The following CLNS1A variants were observed in gnomAD, a reference collection of about 807,000 sequenced individuals.
The protein encoded by CLNS1A is chloride nucleotide-sensitive channel 1A.
In CLNS1A, 16 loss-of-function variants were observed where a neutral mutation model predicts 29.4. The observed-to-expected ratio is 0.54, with a 90% CI of 0.37 to 0.83. CLNS1A has a LOEUF of 0.83. Among genes scored for constraint, CLNS1A ranks in the 40% least tolerant of loss-of-function variants. The pLI, the probability that CLNS1A is intolerant of heterozygous loss-of-function variation, is 0.00. For synonymous variants in CLNS1A, 96 were observed against 104.8 expected (o/e 0.92, Z 0.51); for missense variants, 235 against 287.4 (o/e 0.82, Z 1.32).
chr11:77,629,971 G>C (rs1959058959), intron 1 of CLNS1A, 72 bp from the exon 2 acceptor site: 1 of 1,419,528 alleles, frequency 7.0e-7, no homozygotes, highest in South Asian at 1.2e-5. Context: ...GTATATAAAA[G>C]TTCAGCTTGG....
intron 1 of CLNS1A, among the ~76,000 whole-genome samples, chr11:77,630,258 C>A (rs1420150165): frequency 4.6e-5 from 7 of 152,210 alleles, no homozygotes; most frequent in Admixed American, 4.6e-4. Flanking sequence ...TTCAACTACA[C>A]CAGTCCATAA....
intron 2 of CLNS1A, 127 bp downstream of exon 2, chr11:77,629,636 C>T (rs896222898): frequency 1.4e-5 from 11 of 766,832 alleles, no homozygotes; most frequent in East Asian, 2.9e-5. Flanking sequence ...CCTTGTGATC[C>T]GCCCGCCTCG....
intron 6 of CLNS1A, chr11:77,619,368 G>A (rs1042778012): frequency 3.1e-5 from 13 of 420,144 alleles, no homozygotes; most frequent in Middle Eastern, 1.3e-3. Context: ...TTGTCTCTAC[G>A]TAAAATTTTA....
intron 2 of CLNS1A, among the ~76,000 whole-genome samples, chr11:77,626,456 T>G (rs1959020420): frequency 6.6e-6 from 1 of 151,994 alleles, no homozygotes; most frequent in Non-Finnish European, 1.5e-5. Flanking sequence ...CTGGCCAATA[T>G]GGTGAAACCC....
chr11:77,622,890 G>C (rs1958976824), intron 4 of CLNS1A, among the ~76,000 whole-genome samples: 1 of 150,526 alleles, frequency 6.6e-6, no homozygotes, highest in Non-Finnish European at 1.5e-5. Flanking sequence ...GGAGGTTGCA[G>C]TGAACCGAGA....
Position 77,628,801 on chromosome 11 carries a change from G to A in CLNS1A, c.262+962C>T, listed in dbSNP as rs185906483. Among the ~76,000 whole-genome samples, 368 of 152,264 alleles carry A rather than the reference G, an allele frequency of 2.4e-3. 1 individual carries two copies. Among genetic ancestry groups the A allele is most frequent in the African/African-American group, 8.3e-3 (345 of 41,550 alleles). On this transcript the variant is annotated intron_variant, in intron 2 of 6. Transcript: ENST00000525428. ...CTTCACTAGACTTTTACAAGTCTTT[G>A]CAATTATCCCAAAGCAAAACTTGAG...
At chr11:77,637,512 C>A (rs1189162776) in intron 1 of CLNS1A, 78 bp downstream of exon 1, 52 of 1,484,710 alleles carry the variant, frequency 3.5e-5, no homozygotes, top group Non-Finnish European at 4.4e-5. Flanking sequence ...GCCCCTTGCC[C>A]GGCTCCTTCG....
In CLNS1A at chr11:77,637,772, C is replaced by T; in HGVS notation, c.-58G>A. The T allele has an allele frequency of 6.7e-7, 1 of 1,494,424 alleles. No individual in the cohort carries two copies. Among genetic ancestry groups the T allele is most frequent in the Non-Finnish European group, 9.0e-7 (1 of 1,116,068 alleles). The allele number at this position is 1,494,424 out of a possible 1,614,324, so 92.6% of individuals were successfully genotyped here. ...GAGTTGGAGCACAGCAATGCGTGCA[C>T]CACACCGCCCGCCCTGGAAGAGGCA... On this transcript the variant is annotated 5_prime_UTR_variant, in exon 1 of 7. It adds an upstream start codon to the 5' untranslated region. Coordinates refer to ENST00000525428, the MANE Select transcript of CLNS1A (RefSeq NM_001293.3).
chr11:77,620,876 G>A lies in CLNS1A; in HGVS notation c.647-1181C>T, dbSNP rs182792905. Among the ~76,000 whole-genome samples the A allele has an allele frequency of 2.0e-3, 299 of 151,840 alleles. 7 individuals are homozygous for A. Among genetic ancestry groups the A allele is most frequent in the Admixed American group, 0.019 (286 of 15,228 alleles). On this transcript the variant is annotated intron_variant, in intron 5 of 6. Coordinates refer to ENST00000525428, the MANE Select transcript of CLNS1A (RefSeq NM_001293.3). The stretch of plus-strand genomic sequence containing the variant: ...ACATGCCTGTAATCCCAACTACTCA[G>A]GAGGCTGAGGCAGAAGAATCTCTTA...
chr11:77,621,905 G>A, intron 5 of CLNS1A: 1 of 451,862 alleles, frequency 2.2e-6, no homozygotes, highest in South Asian at 1.6e-5. Context: ...CAGAACTTCT[G>A]AGGCAGCAGA....
rs994284063 is a variant in CLNS1A at position 77,616,373 on chromosome 11, G to A, written c.*345C>T. On this transcript the variant is annotated 3_prime_UTR_variant, in exon 7 of 7. Transcript: ENST00000525428. ...CCCCCGCAGTCTACCAAGCTCCTGTGCATTTTCACCACATAGATCTGCTAG... is the reference window on the plus strand; with the variant it reads ...CCCCCGCAGTCTACCAAGCTCCTGTACATTTTCACCACATAGATCTGCTAG... 7 of 152,452 alleles carry A rather than the reference G, an allele frequency of 4.6e-5. No homozygotes were observed. Among genetic ancestry groups the A allele is most frequent in the African/African-American group, 1.7e-4 (7 of 41,410 alleles). The allele number at this position is 152,452 out of a possible 1,614,324, so 9.4% of individuals were successfully genotyped here. A position where few individuals can be genotyped will look rare whatever the true frequency, so the allele number is the denominator to read the frequency against.
At chr11:77,632,933 G>T (rs187285208) in intron 1 of CLNS1A, among the ~76,000 whole-genome samples, 1 of 151,464 alleles carries the variant, frequency 6.6e-6, no homozygotes, top group Admixed American at 6.6e-5. Flanking sequence ...TTAAAAATAC[G>T]AAAATTAGCT....
intron 3 of CLNS1A, chr11:77,625,457 A>G (rs994650890): frequency 1.2e-5 from 6 of 485,056 alleles, no homozygotes; most frequent in African/African-American, 3.9e-5. Flanking sequence ...AGCACCAATC[A>G]GTAAAACTAA....
At chr11:77,621,004 G>C (rs1234357923) in intron 5 of CLNS1A, among the ~76,000 whole-genome samples, 1 of 150,376 alleles carries the variant, frequency 6.6e-6, no homozygotes, top group Non-Finnish European at 1.5e-5. Context: ...AAATAAATAA[G>C]ACAGAATCAT....
Position 77,622,646 on chromosome 11 carries a change from A to G in CLNS1A, c.500T>C (p.Phe167Ser), listed in dbSNP as rs188526068. Reference sequence around the variant, plus strand: ...GGATAATCCTTCTTCATAGGTGTAAAATGTAGGGATGTCCCCCTGTCCTTG... The same window carrying G: ...GGATAATCCTTCTTCATAGGTGTAAGATGTAGGGATGTCCCCCTGTCCTTG... ...HEQGQGDIPT[F>S]YTYEEGLSHL... Residue 167 changes from phenylalanine to serine, a missense_variant, in exon 5 of 7, where the codon TTT becomes TCT. Physicochemically the swap from Phe to Ser is radical, Grantham distance 155. Transcript: ENST00000525428. 1 of 1,608,702 alleles carries G rather than the reference A, an allele frequency of 6.2e-7. No individual in the cohort carries two copies. Among genetic ancestry groups the G allele is most frequent in the East Asian group, 2.2e-5 (1 of 44,830 alleles).
Position 77,625,824 on chromosome 11 carries a change from A to T in CLNS1A, c.263-6T>A. Reference sequence around the variant, plus strand: ...AACAGGTTCTTTTGATTCTTCTAGAAAATAAAATACCCTTTTAATGTCATT... The same window carrying T: ...AACAGGTTCTTTTGATTCTTCTAGATAATAAAATACCCTTTTAATGTCATT... On this transcript the variant is annotated splice_region_variant and splice_polypyrimidine_tract_variant and intron_variant, in intron 2 of 6. Coordinates refer to ENST00000525428, the MANE Select transcript of CLNS1A (RefSeq NM_001293.3). 1 of 1,550,204 alleles carries T rather than the reference A, an allele frequency of 6.5e-7. No homozygotes were observed. The highest frequency in any genetic ancestry group is 8.9e-7 in the Non-Finnish European group (1 of 1,124,984).
intron 2 of CLNS1A, among the ~76,000 whole-genome samples, chr11:77,627,863 T>C (rs1171600705): frequency 6.6e-6 from 1 of 152,200 alleles, no homozygotes; most frequent in Non-Finnish European, 1.5e-5. Context: ...TTTTGCTCTG[T>C]TGCCCAGGCT....
intron 3 of CLNS1A, chr11:77,625,276 C>T (rs1959004817): frequency 1.8e-6 from 1 of 543,772 alleles, no homozygotes; most frequent in Non-Finnish European, 3.2e-6. Context: ...CTCTTCATGG[C>T]TCGTGGGATT....
At chr11:77,630,773 A>G (rs954816522) in intron 1 of CLNS1A, among the ~76,000 whole-genome samples, 2 of 152,196 alleles carry the variant, frequency 1.3e-5, no homozygotes, top group South Asian at 2.1e-4. Context: ...AAAAGTAAAA[A>G]ATCCTGAAGA....
Sources: allele counts gnomAD v4.1 joint callset (sites outside exome capture counted in the v4.1 genomes callset), GRCh38; gene constraint gnomAD v4.1.1; transcripts MANE v1.5; gene names NCBI Gene and HGNC (gene_info 2026-07-23, HGNC 2026-07-21).